Variants in RHEX observed in about 807,000 individuals in gnomAD.
RHEX encodes the protein regulator of hemoglobinization and erythroid cell expansion protein.
Under a neutral mutation model 20.1 loss-of-function variants are expected in RHEX, and 18 were observed. The observed-to-expected ratio is 0.90, with a 90% CI of 0.62 to 1.33. The LOEUF (loss-of-function observed/expected upper bound fraction) is 1.33. Ranked by LOEUF, RHEX falls within the 40% of genes most tolerant of loss-of-function variation. RHEX has a pLI of 0.00. For synonymous variants in RHEX, 87 were observed against 77.1 expected (o/e 1.13, Z -0.67); for missense variants, 192 against 214.3 (o/e 0.90, Z 0.65).
intron 1 of RHEX, among the ~76,000 whole-genome samples, chr1:206,082,703 T>C (rs1231458562): frequency 6.6e-6 from 1 of 152,184 alleles, no homozygotes; most frequent in East Asian, 1.9e-4. Flanking sequence ...AGAGGTTAAG[T>C]AACTTTTCCC....
At chr1:206,078,305 C>T (rs556003493) in intron 1 of RHEX, among the ~76,000 whole-genome samples, 1 of 152,016 alleles carries the variant, frequency 6.6e-6, no homozygotes, top group Non-Finnish European at 1.5e-5. Context: ...TTTGGGAGGC[C>T]GAGGCAGGAG....
At chr1:206,075,786 G>C (rs992494068) in intron 1 of RHEX, among the ~76,000 whole-genome samples, 3 of 152,008 alleles carry the variant, frequency 2.0e-5, no homozygotes, top group African/African-American at 7.2e-5. Flanking sequence ...ATTTTTAGTA[G>C]AGACAGGGTT....
intron 1 of RHEX, among the ~76,000 whole-genome samples, chr1:206,075,743 G>T (rs1022697279): frequency 6.6e-6 from 1 of 152,010 alleles, no homozygotes; most frequent in East Asian, 1.9e-4. Flanking sequence ...GGGATTACGG[G>T]TGCCCACCAC....
chr1:206,076,929 G>C (rs1662645885), intron 1 of RHEX, among the ~76,000 whole-genome samples: 1 of 152,194 alleles, frequency 6.6e-6, no homozygotes, highest in African/African-American at 2.4e-5. Flanking sequence ...AGAAAAGTCA[G>C]AATTATTGAA....
At position 206,099,745 on chromosome 1, in the gene RHEX, T is replaced by A; in HGVS notation, c.203T>A (p.Met68Lys). 1 of 1,614,050 alleles carries A rather than the reference T, an allele frequency of 6.2e-7. No individual in the cohort carries two copies. The highest frequency in any genetic ancestry group is 8.5e-7 in the Non-Finnish European group (1 of 1,179,932). Residue 68 changes from methionine to lysine, a missense_variant, in exon 4 of 6, where the codon ATG becomes AAG. Coordinates refer to ENST00000331555, the MANE Select transcript of RHEX (RefSeq NM_001007544.4). Reference protein sequence around the residue: ...GHHHPPAVKEMKETQTERDIP... With the variant: ...GHHHPPAVKEKKETQTERDIP... The stretch of plus-strand genomic sequence containing the variant: ...CATCATCCACCTGCTGTCAAAGAGA[T>A]GAAGGAGACTCAGACAGAGAGAGAC...
At chr1:206,054,259 A>G (rs1233976417) in intron 1 of RHEX, among the ~76,000 whole-genome samples, 1 of 152,252 alleles carries the variant, frequency 6.6e-6, no homozygotes, top group African/African-American at 2.4e-5. Flanking sequence ...GTTGAGACAC[A>G]TTGAAGAATT....
chr1:206,091,024 T>C (rs1242138550), intron 1 of RHEX, among the ~76,000 whole-genome samples: 2 of 152,218 alleles, frequency 1.3e-5, no homozygotes, highest in Non-Finnish European at 1.5e-5. Context: ...AACTGTACTT[T>C]CATTTTGTTA....
chr1:206,066,338 C>T (rs1662421868), intron 1 of RHEX, among the ~76,000 whole-genome samples: 1 of 152,182 alleles, frequency 6.6e-6, no homozygotes, highest in Non-Finnish European at 1.5e-5. Flanking sequence ...CAACCTGGGC[C>T]AGGCACAGTG....
chr1:206,083,304 C>T (rs1662774011), intron 1 of RHEX, among the ~76,000 whole-genome samples: 1 of 152,174 alleles, frequency 6.6e-6, no homozygotes, highest in African/African-American at 2.4e-5. Context: ...TCCACTCTAC[C>T]TGGCTGCGTG....
intron 1 of RHEX, chr1:206,061,223 C>T (rs1370540717): frequency 6.6e-6 from 1 of 152,166 alleles, no homozygotes; most frequent in Non-Finnish European, 1.5e-5. Context: ...GTCTCAGAGG[C>T]CCAATGGGCT....
At chr1:206,080,127 T>C (rs1662707535) in intron 1 of RHEX, 2 of 152,212 alleles carry the variant, frequency 1.3e-5, no homozygotes, top group Admixed American at 1.3e-4. Flanking sequence ...GGGTTTTAAA[T>C]GATCCTTCCT....
At position 206,053,760 on chromosome 1, in the gene RHEX, C is replaced by T. The variant is rs546114348; in HGVS notation, c.-97+495C>T. Among the ~76,000 whole-genome samples the T allele has an allele frequency of 3.8e-3, 581 of 152,286 alleles. 6 individuals carry two copies. The highest frequency in any genetic ancestry group is 0.013 in the African/African-American group (528 of 41,520). ...TTCAAAGGTATGACACAAGGTAACC[C>T]GTAAGCCAAGGCACCCAGACCAGTT... On this transcript the variant is annotated intron_variant, in intron 1 of 5. Coordinates refer to ENST00000331555, the MANE Select transcript of RHEX (RefSeq NM_001007544.4).
At chr1:206,066,552 G>A (rs1325250695) in intron 1 of RHEX, among the ~76,000 whole-genome samples, 1 of 152,240 alleles carries the variant, frequency 6.6e-6, no homozygotes, top group Non-Finnish European at 1.5e-5. Context: ...GGGACGTCAA[G>A]TTTGCAGTGA....
chr1:206,094,430 G>A (rs782260399), intron 1 of RHEX, among the ~76,000 whole-genome samples: 2 of 152,112 alleles, frequency 1.3e-5, no homozygotes, highest in Admixed American at 6.6e-5. Flanking sequence ...AGTCACCATC[G>A]TGGTGGAGGA....
At chr1:206,066,513 A>G (rs1428299075) in intron 1 of RHEX, among the ~76,000 whole-genome samples, 5 of 152,196 alleles carry the variant, frequency 3.3e-5, no homozygotes, top group African/African-American at 1.2e-4. Context: ...GCTACTCCGG[A>G]GGCTGAGGCA....
intron 3 of RHEX, 117 bp from the exon 4 acceptor site, chr1:206,099,538 C>A (rs28463502): frequency 4.3e-5 from 39 of 910,116 alleles, no homozygotes; most frequent in Non-Finnish European, 5.8e-5. Context: ...AGGCTGGTCT[C>A]GAACTTGTGA....
intron 1 of RHEX, 182 bp downstream of exon 1, chr1:206,053,447 G>C (rs1276763383): frequency 1.3e-5 from 2 of 152,914 alleles, no homozygotes; most frequent in African/African-American, 4.8e-5. Flanking sequence ...TTTTGGTTTT[G>C]ATTTTGGTTT....
intron 1 of RHEX, among the ~76,000 whole-genome samples, chr1:206,088,945 A>G (rs1553286662): frequency 6.6e-6 from 1 of 151,962 alleles, no homozygotes; most frequent in Non-Finnish European, 1.5e-5. Flanking sequence ...TCAGCCTCCC[A>G]AGTATCTGGG....
intron 1 of RHEX, among the ~76,000 whole-genome samples, chr1:206,069,614 G>C (rs1553284469): frequency 6.6e-6 from 1 of 152,172 alleles, no homozygotes; most frequent in African/African-American, 2.4e-5. Context: ...TGGGCTGCTG[G>C]TCACCCTAGC....
Sources: gnomAD v4.1 joint callset for allele counts (sites outside exome capture counted in the v4.1 genomes callset) on GRCh38, gnomAD v4.1.1 for gene constraint, MANE v1.5 for transcripts, NCBI Gene and HGNC (gene_info 2026-07-23, HGNC 2026-07-21) for gene names.